RIOK1: variants seen among roughly 807,000 people sequenced by gnomAD.
RIOK1 encodes the protein RIO kinase 1.
RIOK1 carries 66 observed loss-of-function variants against 73.5 expected under a neutral mutation model. That is an observed-to-expected ratio of 0.90 (90% CI 0.74 to 1.10). The LOEUF (loss-of-function observed/expected upper bound fraction) is 1.10. Among genes scored for constraint, RIOK1 ranks in the 50% least tolerant of loss-of-function variants. The probability of loss-of-function intolerance (pLI) is 0.00; values close to 1 mark genes in which losing one functional copy is unlikely to be tolerated. For missense variants in RIOK1, 658 were observed against 699.8 expected, an observed-to-expected ratio of 0.94 and a Z score of 0.67; for synonymous variants, 224 against 226.8, an observed-to-expected ratio of 0.99 and a Z score of 0.11.
chr6:7,407,533 G>A (rs1421752760), intron 12 of RIOK1, among the ~76,000 whole-genome samples: 1 of 150,000 alleles, frequency 6.7e-6, no homozygotes, highest in Non-Finnish European at 1.5e-5. Context: ...TACCCAGTCT[G>A]AAGTACAGTG....
At position 7,402,864 on chromosome 6, in the gene RIOK1, C is replaced by T. The variant is rs187948651; in HGVS notation, c.734C>T (p.Thr245Ile). Residue 245 changes from threonine to isoleucine, a missense_variant, in exon 8 of 17, where the codon ACT (threonine) becomes ATT (isoleucine). Transcript: ENST00000379834. ...CKGNPRKMVK[T>I]WAEKEMRNLI... Reference sequence around the variant, plus strand: ...GGAAACCCTAGGAAAATGGTGAAAACTTGGGCAGAAAAAGAAATGAGGAAC... The same window carrying T: ...GGAAACCCTAGGAAAATGGTGAAAATTTGGGCAGAAAAAGAAATGAGGAAC... The T allele has an allele frequency of 6.2e-7, 1 of 1,613,906 alleles. No individual in the cohort carries two copies. Among genetic ancestry groups the T allele is most frequent in the East Asian group, 2.2e-5 (1 of 44,870 alleles).
At chr6:7,399,218 C>G (rs1761554241) in intron 5 of RIOK1, among the ~76,000 whole-genome samples, 1 of 152,064 alleles carries the variant, frequency 6.6e-6, no homozygotes, top group African/African-American at 2.4e-5. Context: ...TTCCCACATT[C>G]CGAAGAATGT....
intron 13 of RIOK1, among the ~76,000 whole-genome samples, 180 bp downstream of exon 13, chr6:7,410,631 A>C (rs1338288210): frequency 6.6e-6 from 1 of 152,150 alleles, no homozygotes; most frequent in Non-Finnish European, 1.5e-5. Context: ...GATAGTTTAC[A>C]TTTCACTGTA....
Position 7,398,717 on chromosome 6 carries a change from GCAGA to G in RIOK1, c.462_465del (p.Asp154GlufsTer4), listed in dbSNP as rs1279696417. On this transcript the variant is annotated frameshift_variant, in exon 5 of 17. Transcript: ENST00000379834. LOFTEE classifies it high-confidence loss of function. ...GGTTAGGTATCGCATCAAAGATAAGGCAGACAGAGCAACTGTAGAACAGGTACAA... is the reference window on the plus strand; with the variant it reads ...GGTTAGGTATCGCATCAAAGATAAGGCAGAGCAACTGTAGAACAGGTACAA... 1.2e-6 allele frequency: 2 copies of G among 1,612,874 alleles called. No homozygotes were observed. Among genetic ancestry groups the G allele is most frequent in the Non-Finnish European group, 1.7e-6 (2 of 1,179,280 alleles).
At position 7,401,058 on chromosome 6, in the gene RIOK1, C is replaced by T; in HGVS notation, c.573+8C>T. 5 of 1,539,392 alleles carry T rather than the reference C, an allele frequency of 3.2e-6. No homozygotes were observed. The highest frequency in any genetic ancestry group is 1.5e-5 in the African/African-American group (1 of 68,388). On this transcript the variant is annotated splice_region_variant and intron_variant, in intron 6 of 16. Coordinates refer to ENST00000379834, the MANE Select transcript of RIOK1 (RefSeq NM_031480.3). ...ATTAGCACAGGAAAAGAAGTGAGCTCTTCTTTGGATGATTGGATATTTAAT... is the reference window on the plus strand; with the variant it reads ...ATTAGCACAGGAAAAGAAGTGAGCTTTTCTTTGGATGATTGGATATTTAAT...
chr6:7,411,306 T>C (rs1171791756), intron 13 of RIOK1, 26 bp from the exon 14 acceptor site: 1 of 1,611,682 alleles, frequency 6.2e-7, no homozygotes, highest in Admixed American at 1.7e-5. Flanking sequence ...AATAACAGTT[T>C]TGATTTTGCT....
chr6:7,407,147 C>T (rs1761765728), intron 12 of RIOK1, among the ~76,000 whole-genome samples: 1 of 152,218 alleles, frequency 6.6e-6, no homozygotes, highest in African/African-American at 2.4e-5. Flanking sequence ...TTCGAATATA[C>T]ACCCAGAAGT....
At chr6:7,401,576 G>GTT (rs199719201) in intron 6 of RIOK1, among the ~76,000 whole-genome samples, 1 of 140,486 alleles carries the variant, frequency 7.1e-6, no homozygotes, top group South Asian at 2.3e-4. Flanking sequence ...TTCTGTTTTT[G>GTT]TTTTTTTTTT....
In RIOK1 at chr6:7,412,879, T is replaced by C; in HGVS notation, c.1390-10T>C. On this transcript the variant is annotated splice_polypyrimidine_tract_variant and intron_variant, in intron 14 of 16. Coordinates refer to ENST00000379834, the MANE Select transcript of RIOK1 (RefSeq NM_031480.3). ...GATCCTTATTTTTTTTTTTTCATTT[T>C]GGTTATAAGATTCTATACCAGACTG... 6.7e-7 allele frequency: 1 copy of C among 1,483,874 alleles called. No individual in the cohort carries two copies. Among genetic ancestry groups the C allele is most frequent in the Non-Finnish European group, 9.1e-7 (1 of 1,101,292 alleles). 91.9% of individuals were successfully genotyped at this position (1,483,874 alleles called of 1,614,324 possible).
chr6:7,403,796 TAG>T (rs1246816916), intron 8 of RIOK1, 143 bp from the exon 9 acceptor site: 30 of 537,496 alleles, frequency 5.6e-5, no homozygotes, highest in African/African-American at 5.5e-4. Flanking sequence ...AAAATAATCT[TAG>T]AGTTTATGAA....
intron 12 of RIOK1, among the ~76,000 whole-genome samples, chr6:7,406,143 C>T (rs1296151262): frequency 1.3e-5 from 2 of 151,912 alleles, no homozygotes; most frequent in African/African-American, 2.4e-5. Flanking sequence ...ACTACAGGCA[C>T]ACGCCACCAC....
chr6:7,401,095 A>ATCT, intron 6 of RIOK1, 45 bp downstream of exon 6: 1 of 1,281,990 alleles, frequency 7.8e-7, no homozygotes, highest in African/African-American at 1.5e-5. Flanking sequence ...TTCTTATTTC[A>ATCT]GATACCAGAT....
chr6:7,417,357 C>T lies in RIOK1; in HGVS notation c.1623C>T (p.Ala541=). ...KKERKKMVKE[A]QREKRKNKIP... is the part of the protein sequence containing the mutation. Reference sequence around the variant, plus strand: ...AAAGAAAAAAGATGGTCAAGGAAGCCCAGAGAGAGAAAAGAAAAAACAAAA... The same window carrying T: ...AAAGAAAAAAGATGGTCAAGGAAGCTCAGAGAGAGAAAAGAAAAAACAAAA... Residue 541 remains alanine, a synonymous_variant, in exon 17 of 17, where the codon GCC becomes GCT. Transcript: ENST00000379834. 1 of 1,558,500 alleles carries T rather than the reference C, an allele frequency of 6.4e-7. No homozygotes were observed. Among genetic ancestry groups the T allele is most frequent in the South Asian group, 1.2e-5 (1 of 82,198 alleles).
chr6:7,410,499 A>AG, intron 13 of RIOK1, 48 bp downstream of exon 13: 7 of 1,318,340 alleles, frequency 5.3e-6, no homozygotes, highest in Non-Finnish European at 7.5e-6. Flanking sequence ...TTGTGTTTTG[A>AG]GGGTTTTTTT....
chr6:7,409,753 A>G (rs532221859), intron 12 of RIOK1, among the ~76,000 whole-genome samples: 34 of 149,082 alleles, frequency 2.3e-4, no homozygotes, highest in African/African-American at 8.3e-4. Flanking sequence ...TAGAGGCGTG[A>G]GCCACTGTGC....
In RIOK1 at chr6:7,404,952, T is replaced by G. The variant is rs759639997; in HGVS notation, c.1027T>G (p.Ser343Ala). Residue 343 changes from serine to alanine, a missense_variant, in exon 11 of 17, where the codon TCT becomes GCT. Physicochemically the swap from Ser to Ala is moderately conservative, Grantham distance 99. Transcript: ENST00000379834. ...TGGAGGCGTGTATATCATTGACGTG[T>G]CTCAGTCCGTGGAGCACGACCACCC... is the stretch of plus-strand genomic sequence containing the variant. ...HGGGVYIIDVSQSVEHDHPHA... is the reference protein window; with the variant it reads ...HGGGVYIIDVAQSVEHDHPHA... 8 of 1,614,192 alleles carry G rather than the reference T, an allele frequency of 5.0e-6. No individual in the cohort carries two copies. Among genetic ancestry groups the G allele is most frequent in the Non-Finnish European group, 6.8e-6 (8 of 1,180,012 alleles).
At chr6:7,392,394 A>G (rs1327407794) in intron 1 of RIOK1, among the ~76,000 whole-genome samples, 4 of 152,272 alleles carry the variant, frequency 2.6e-5, no homozygotes, top group South Asian at 2.1e-4. Context: ...CCCATCATGA[A>G]CAGGGATGAT....
At chr6:7,414,163 T>G in intron 15 of RIOK1, 75 bp from the exon 16 acceptor site, 1 of 1,387,218 alleles carries the variant, frequency 7.2e-7, no homozygotes, top group Non-Finnish European at 9.8e-7. Context: ...AATTCTGGCA[T>G]TAACACATTT....
At chr6:7,404,059 C>T (rs1761679546) in intron 9 of RIOK1, 32 bp downstream of exon 9, 2 of 1,389,316 alleles carry the variant, frequency 1.4e-6, no homozygotes, top group East Asian at 2.3e-5. Flanking sequence ...TAATTGCATT[C>T]TCAGAACTGT....
Sources: gnomAD v4.1 joint callset for allele counts (sites outside exome capture counted in the v4.1 genomes callset) on GRCh38, gnomAD v4.1.1 for gene constraint, MANE v1.5 for transcripts, NCBI Gene and HGNC (gene_info 2026-07-23, HGNC 2026-07-21) for gene names.